Variants in COL25A1 observed in about 807,000 individuals in gnomAD.
COL25A1 encodes collagen type XXV alpha 1 chain.
COL25A1 carries 103 observed loss-of-function variants against 128.4 expected under a neutral mutation model. That is an observed-to-expected ratio of 0.80 (90% CI 0.68 to 0.94). The LOEUF (loss-of-function observed/expected upper bound fraction) is 0.94, where lower values mean the gene tolerates loss of function less well. COL25A1 is among the 40% of genes least tolerant of loss of function. The probability of loss-of-function intolerance (pLI) is 0.00; values close to 1 mark genes in which losing one functional copy is unlikely to be tolerated. For missense variants in COL25A1, 745 were observed against 840.0 expected (o/e 0.89, Z 1.40); for synonymous variants, 279 against 277.2 (o/e 1.01, Z -0.06).
rs1346967199 is a variant in COL25A1 at position 109,141,112 on chromosome 4, ATAC to A, written c.368-90936_368-90934del. ...AATTATTTTGAGATATGTTCCATCA[ATAC>A]CTAGTTTATTGAGAGTTTTTAGCAT... On this transcript the variant is annotated intron_variant, in intron 3 of 37. Transcript: ENST00000399132. Among the ~76,000 whole-genome samples the A allele has an allele frequency of 4.4e-4, 67 of 152,296 alleles. 1 individual carries two copies. The East Asian group carries it at 7.5e-3, about 17-fold the overall frequency.
chr4:108,953,664 T>A (rs1467237678), intron 8 of COL25A1, among the ~76,000 whole-genome samples: 1 of 152,148 alleles, frequency 6.6e-6, no homozygotes, highest in Non-Finnish European at 1.5e-5. Context: ...TGTGGCTACA[T>A]CTTCACCTGC....
At chr4:109,139,019 C>A (rs565136062) in intron 3 of COL25A1, among the ~76,000 whole-genome samples, 1 of 152,034 alleles carries the variant, frequency 6.6e-6, no homozygotes, top group South Asian at 2.1e-4. Context: ...TTCTAACTGG[C>A]GTGAGATGGT....
At chr4:108,889,185 G>T (rs1741169045) in intron 18 of COL25A1, 36 bp downstream of exon 18, 1 of 1,577,082 alleles carries the variant, frequency 6.3e-7, no homozygotes, top group Admixed American at 1.7e-5. Context: ...TGGTGAATAT[G>T]AGACAGTAGG....
rs76325012 is a variant in COL25A1 at position 109,244,371 on chromosome 4, C to T, written c.367+56212G>A. ...TCACAGACTATATCAAAAAAAGTGT[C>T]ACTTTGTAGGCCTTCCTATGATTAT... is the stretch of plus-strand genomic sequence containing the variant. On this transcript the variant is annotated intron_variant, in intron 3 of 37. Transcript: ENST00000399132. Among the ~76,000 whole-genome samples, 1,198 of 152,124 alleles carry T rather than the reference C, an allele frequency of 7.9e-3. 63 individuals carry two copies. In the South Asian group the frequency reaches 0.14, roughly 18 times the overall value.
At chr4:108,896,209 A>G (rs1742120433) in intron 16 of COL25A1, among the ~76,000 whole-genome samples, 1 of 151,752 alleles carries the variant, frequency 6.6e-6, no homozygotes, top group South Asian at 2.1e-4. Flanking sequence ...CAGCCTCCCA[A>G]AGTGCTGGGA....
intron 34 of COL25A1, among the ~76,000 whole-genome samples, chr4:108,824,473 A>T (rs1226964131): frequency 3.9e-5 from 6 of 152,222 alleles, no homozygotes; most frequent in African/African-American, 1.4e-4. Context: ...ATACCAGAAT[A>T]CTAGTTTGAA....
chr4:109,125,447 T>C (rs1264880925), intron 3 of COL25A1, among the ~76,000 whole-genome samples: 1 of 152,162 alleles, frequency 6.6e-6, no homozygotes, highest in Non-Finnish European at 1.5e-5. Flanking sequence ...TATATTTTCA[T>C]GCTCACACTG....
At chr4:108,973,509 GT>G (rs1172861554) in intron 8 of COL25A1, among the ~76,000 whole-genome samples, 23 of 152,300 alleles carry the variant, frequency 1.5e-4, no homozygotes, top group African/African-American at 5.1e-4. Flanking sequence ...CATTTAATAA[GT>G]AACTAAGCAC....
At chr4:109,183,891 AT>A (rs1774894208) in intron 3 of COL25A1, among the ~76,000 whole-genome samples, 1 of 149,632 alleles carries the variant, frequency 6.7e-6, no homozygotes, top group Non-Finnish European at 1.5e-5. Context: ...TGAAGCCCAT[AT>A]TACTTATACC....
chr4:109,225,686 C>A (rs1334266660), intron 3 of COL25A1, among the ~76,000 whole-genome samples: 1 of 151,986 alleles, frequency 6.6e-6, no homozygotes, highest in Non-Finnish European at 1.5e-5. Context: ...AGCAGAGATA[C>A]AAAATCAACC....
intron 3 of COL25A1, among the ~76,000 whole-genome samples, chr4:109,183,651 G>A (rs770834715): frequency 5.3e-5 from 8 of 151,970 alleles, no homozygotes; most frequent in Non-Finnish European, 8.8e-5. Flanking sequence ...GAAAACATTA[G>A]AAATGATTAA....
chr4:108,995,981 A>G (rs529846028), intron 6 of COL25A1, among the ~76,000 whole-genome samples: 1 of 152,300 alleles, frequency 6.6e-6, no homozygotes, highest in South Asian at 2.1e-4. Flanking sequence ...CTAAATATGG[A>G]AAGGAACAAC....
At chr4:108,959,700 T>G (rs1750456168) in intron 8 of COL25A1, among the ~76,000 whole-genome samples, 1 of 152,140 alleles carries the variant, frequency 6.6e-6, no homozygotes, top group South Asian at 2.1e-4. Context: ...ACACATTTTA[T>G]TAGAAGTACA....
intron 4 of COL25A1, among the ~76,000 whole-genome samples, chr4:109,048,580 A>G (rs1409857783): frequency 1.3e-5 from 2 of 152,208 alleles, no homozygotes; most frequent in Non-Finnish European, 2.9e-5. Flanking sequence ...GCCAAATGAG[A>G]AATGTACCAA....
At chr4:108,824,257 C>T (rs372732769) in intron 34 of COL25A1, 30 bp from the exon 35 acceptor site, 2 of 1,514,098 alleles carry the variant, frequency 1.3e-6, no homozygotes, top group South Asian at 1.2e-5. Context: ...CCAAAAAGAT[C>T]TATTGGTGTA....
At chr4:109,282,385 A>G (rs1723461430) in intron 3 of COL25A1, among the ~76,000 whole-genome samples, 1 of 152,184 alleles carries the variant, frequency 6.6e-6, no homozygotes, top group African/African-American at 2.4e-5. Context: ...TTTCCCCTCT[A>G]TGGCACAAAA....
intron 3 of COL25A1, among the ~76,000 whole-genome samples, chr4:109,115,523 G>A (rs1767455416): frequency 6.6e-6 from 1 of 152,052 alleles, no homozygotes; most frequent in African/African-American, 2.4e-5. Flanking sequence ...GAACTAAGGG[G>A]ATGGTCACAA....
chr4:108,868,449 A>G (rs182126733), intron 20 of COL25A1, among the ~76,000 whole-genome samples: 1 of 151,830 alleles, frequency 6.6e-6, no homozygotes, highest in Admixed American at 6.6e-5. Flanking sequence ...GTGGACTAAA[A>G]ATATATGACA....
At chr4:108,828,023 A>T (rs114752314) in intron 32 of COL25A1, among the ~76,000 whole-genome samples, 1 of 152,164 alleles carries the variant, frequency 6.6e-6, no homozygotes. Context: ...TGTTCCCTAT[A>T]GCATCCTTAC....
Sources: gnomAD v4.1 joint callset for allele counts (sites outside exome capture counted in the v4.1 genomes callset) on GRCh38, gnomAD v4.1.1 for gene constraint, MANE v1.5 for transcripts, NCBI Gene and HGNC (gene_info 2026-07-23, HGNC 2026-07-21) for gene names.